Variants in UNC45B observed in about 807,000 individuals in gnomAD.
UNC45B encodes protein unc-45 homolog B.
Under a neutral mutation model 98.7 loss-of-function variants are expected in UNC45B, and 78 were observed. The observed-to-expected ratio is 0.79, with a 90% CI of 0.66 to 0.95. The LOEUF is 0.95. UNC45B is among the 40% of genes least tolerant of loss of function. The probability of loss-of-function intolerance (pLI) is 0.00; values close to 1 mark genes in which losing one functional copy is unlikely to be tolerated. For missense variants in UNC45B, 1,225 were observed against 1,184.9 expected, an observed-to-expected ratio of 1.03 and a Z score of -0.50; for synonymous variants, 462 against 480.4, an observed-to-expected ratio of 0.96 and a Z score of 0.50.
intron 7 of UNC45B, among the ~76,000 whole-genome samples, chr17:35,155,679 C>G (rs980307133): frequency 6.6e-6 from 1 of 152,164 alleles, no homozygotes; most frequent in Admixed American, 6.5e-5. Context: ...AAGCACTTCT[C>G]CTGCCTCAGC....
At chr17:35,180,944 C>T (rs1310829434) in intron 18 of UNC45B, among the ~76,000 whole-genome samples, 1 of 152,120 alleles carries the variant, frequency 6.6e-6, no homozygotes, top group Non-Finnish European at 1.5e-5. Flanking sequence ...GCACCATTTC[C>T]CTAAGTTACT....
intron 9 of UNC45B, among the ~76,000 whole-genome samples, chr17:35,166,126 A>G (rs1432844777): frequency 6.8e-6 from 1 of 147,588 alleles, no homozygotes; most frequent in Non-Finnish European, 1.5e-5. Context: ...AAATGAGTCA[A>G]GTGTGGTGGC....
Position 35,150,128 on chromosome 17 carries a change from G to A in UNC45B, c.286G>A (p.Ala96Thr), listed in dbSNP as rs1169633397. ...ALEHLGKLDQ[A>T]FKDVQRCATL... ...GGAGCACCTGGGGAAGCTGGACCAG[G>A]CCTTCAAAGACGTGCAGCGTTGTGC... Residue 96 changes from alanine to threonine, a missense_variant, in exon 4 of 20, where the codon GCC becomes ACC. Coordinates refer to ENST00000394570, the MANE Select transcript of UNC45B (RefSeq NM_001267052.2). 1.2e-6 allele frequency: 2 copies of A among 1,613,796 alleles called. No individual in the cohort carries two copies. Among genetic ancestry groups the A allele is most frequent in the Admixed American group, 3.3e-5 (2 of 59,982 alleles).
rs1299906656 is a variant in UNC45B at position 35,183,481 on chromosome 17, C to T, written c.2428C>T (p.Leu810Phe). ...GNDRLKLVVLLCGEDDDKVQN... is the reference protein window; with the variant it reads ...GNDRLKLVVLFCGEDDDKVQN... ...TGACCGGCTGAAGCTGGTGGTGCTG[C>T]TCTGCGGGGAGGATGATGATAAGGT... Residue 810 changes from leucine to phenylalanine, a missense_variant, in exon 19 of 20, where the codon CTC becomes TTC. By Grantham distance (22) the Leu-to-Phe change is conservative. Coordinates refer to ENST00000394570, the MANE Select transcript of UNC45B (RefSeq NM_001267052.2). 6.2e-7 allele frequency: 1 copy of T among 1,605,478 alleles called. No homozygotes were observed. Among genetic ancestry groups the T allele is most frequent in the African/African-American group, 1.3e-5 (1 of 74,756 alleles).
chr17:35,152,879 T>A lies in UNC45B; in HGVS notation c.382-14T>A, dbSNP rs1368705239. 1 of 1,611,994 alleles carries A rather than the reference T, an allele frequency of 6.2e-7. No homozygotes were observed. Among genetic ancestry groups the A allele is most frequent in the Non-Finnish European group, 8.5e-7 (1 of 1,178,124 alleles). ...CCCACCTGCCTCCTTCCCCACTCCCTCCTCTCTCCTCAGCTCCGAGTGCAG... is the reference window on the plus strand; with the variant it reads ...CCCACCTGCCTCCTTCCCCACTCCCACCTCTCTCCTCAGCTCCGAGTGCAG... On this transcript the variant is annotated splice_polypyrimidine_tract_variant and intron_variant, in intron 4 of 19. Transcript: ENST00000394570.
At chr17:35,185,399 C>T (rs917170212) in intron 19 of UNC45B, among the ~76,000 whole-genome samples, 7 of 152,066 alleles carry the variant, frequency 4.6e-5, no homozygotes. Flanking sequence ...CTTCCACCTC[C>T]TGGGTTCAAG....
At chr17:35,181,393 C>A (rs999384915) in intron 18 of UNC45B, among the ~76,000 whole-genome samples, 4 of 152,188 alleles carry the variant, frequency 2.6e-5, no homozygotes, top group Non-Finnish European at 5.9e-5. Context: ...CCGAATGTCC[C>A]TCCTGGGCCC....
Position 35,152,913 on chromosome 17 carries a change from A to T in UNC45B, c.402A>T (p.Thr134=), listed in dbSNP as rs1228267324. The T allele has an allele frequency of 6.2e-7, 1 of 1,614,112 alleles. No homozygotes were observed. The highest frequency in any genetic ancestry group is 1.1e-5 in the South Asian group (1 of 91,068). The part of the protein sequence containing the change: ...IQEKLRVQFS[T]DSRVQKMFEI... ...CTCAGCTCCGAGTGCAGTTCTCCACAGACTCGAGGGTACAGAAGATGTTTG... is the reference window on the plus strand; with the variant it reads ...CTCAGCTCCGAGTGCAGTTCTCCACTGACTCGAGGGTACAGAAGATGTTTG... The change falls in exon 5 of 20, where the codon ACA becomes ACT. Residue 134 remains threonine, a synonymous_variant. Coordinates refer to ENST00000394570, the MANE Select transcript of UNC45B (RefSeq NM_001267052.2).
At chr17:35,159,880 A>G (rs963336608) in intron 8 of UNC45B, among the ~76,000 whole-genome samples, 2 of 152,242 alleles carry the variant, frequency 1.3e-5, no homozygotes, top group African/African-American at 4.8e-5. Flanking sequence ...AGGCCTTTCA[A>G]AAGGGAGGAA....
intron 17 of UNC45B, among the ~76,000 whole-genome samples, chr17:35,178,185 C>T (rs1018744837): frequency 6.6e-6 from 1 of 152,160 alleles, no homozygotes; most frequent in African/African-American, 2.4e-5. Flanking sequence ...CAGGTGTGAG[C>T]CACCGCACCC....
intron 19 of UNC45B, 95 bp from the exon 20 acceptor site, chr17:35,186,204 C>G: frequency 6.5e-7 from 1 of 1,528,148 alleles, no homozygotes; most frequent in Non-Finnish European, 8.9e-7. Context: ...GACCCACCTC[C>G]TAACATTGCC....
rs2092209572 is a variant in UNC45B, at chr17:35,174,164, A to T, written c.1831-78A>T. On this transcript the variant is annotated intron_variant, in intron 13 of 19. Coordinates refer to ENST00000394570, the MANE Select transcript of UNC45B (RefSeq NM_001267052.2). ...TTCAACCAACCCCAAGAATTCAGAA[A>T]TGCACCATCTTTGGTTCCAATACCG... 3 of 1,588,564 alleles carry T rather than the reference A, an allele frequency of 1.9e-6. No individual in the cohort carries two copies. The African/African-American group carries it at 4.0e-5, about 21-fold the overall frequency.
intron 2 of UNC45B, 82 bp from the exon 3 acceptor site, chr17:35,148,891 C>T: frequency 6.4e-7 from 1 of 1,570,738 alleles, no homozygotes; most frequent in South Asian, 1.1e-5. Context: ...AAACCCTCTC[C>T]CCACACTGTG....
Position 35,177,587 on chromosome 17 carries a change from G to T in UNC45B, c.2232G>T (p.Leu744=), listed in dbSNP as rs1567767713. ...AGGCTCTCCTAGGCCTCACCAACCT[G>T]TCTGGGCGGAGTGACAAACTCCGGT... is the stretch of plus-strand genomic sequence containing the variant. ...NYEALLGLTN[L]SGRSDKLRQK... The change falls in exon 17 of 20, where the codon CTG becomes CTT. Residue 744 remains leucine, a synonymous_variant. Transcript: ENST00000394570. The T allele has an allele frequency of 6.4e-7, 1 of 1,556,356 alleles. No individual in the cohort carries two copies.
chr17:35,158,217 T>C (rs2092077442), intron 7 of UNC45B, among the ~76,000 whole-genome samples: 1 of 152,206 alleles, frequency 6.6e-6, no homozygotes, highest in Non-Finnish European at 1.5e-5. Context: ...ATTATTATAA[T>C]GGTCAGCTAG....
intron 7 of UNC45B, among the ~76,000 whole-genome samples, chr17:35,158,699 T>A (rs1369703408): frequency 6.6e-6 from 1 of 152,224 alleles, no homozygotes; most frequent in Non-Finnish European, 1.5e-5. Context: ...ATGACATGCC[T>A]CTGTCTGAAG....
At chr17:35,180,263 A>AGAGAGAGAGAAT (rs1332072648) in intron 17 of UNC45B, among the ~76,000 whole-genome samples, 3 of 149,974 alleles carry the variant, frequency 2.0e-5, no homozygotes, top group African/African-American at 7.3e-5. Context: ...TGAGAGAGAG[A>AGAGAGAGAGAAT]GAGAGAGAGA....
rs1477241666 is a variant in UNC45B at position 35,184,462 on chromosome 17, G to GCTGC, written c.2529+882_2529+885dup. 5.3e-5 allele frequency among the ~76,000 whole-genome samples: 8 copies of GCTGC among 152,298 alleles called. No individual in the cohort carries two copies. The East Asian group carries it at 1.5e-3, about 29-fold the overall frequency. The stretch of plus-strand genomic sequence containing the variant: ...AGCTTGGAGACCACACTTTGAAACC[G>GCTGC]CTGCCCTAGAGCAGCCTCTGCTGGT... On this transcript the variant is annotated intron_variant, in intron 19 of 19. Transcript: ENST00000394570.
Position 35,170,161 on chromosome 17 carries a change from T to A in UNC45B, c.1595T>A (p.Val532Glu). Residue 532 changes from valine (V) to glutamate (E), a missense_variant, in exon 12 of 20, where the codon GTG becomes GAG. Coordinates refer to ENST00000394570, the MANE Select transcript of UNC45B (RefSeq NM_001267052.2). ...GACACTCGGACCCGACGCTGGGCAG[T>A]GGAGGGCCTGGCCTACCTCACGCTG... ...SIDTRTRRWA[V>E]EGLAYLTLDA... 2 of 1,613,832 alleles carry A rather than the reference T, an allele frequency of 1.2e-6. No homozygotes were observed. Among genetic ancestry groups the A allele is most frequent in the Non-Finnish European group, 1.7e-6 (2 of 1,179,840 alleles).
Sources: allele counts gnomAD v4.1 joint callset (sites outside exome capture counted in the v4.1 genomes callset), GRCh38; gene constraint gnomAD v4.1.1; transcripts MANE v1.5; gene names NCBI Gene and HGNC (gene_info 2026-07-23, HGNC 2026-07-21).